The following SLC22A2 variants were observed in gnomAD, a reference collection of about 807,000 sequenced individuals.
SLC22A2 encodes solute carrier family 22 member 2, also known as organic cation transporter 2.
SLC22A2 carries 46 observed loss-of-function variants against 60.5 expected under a neutral mutation model. The ratio of observed to expected loss-of-function variants is 0.76; its 90% CI spans 0.60 to 0.97. SLC22A2 has a LOEUF of 0.97. Ranked by LOEUF, SLC22A2 falls within the 50% of genes least tolerant of loss-of-function variation. The probability of loss-of-function intolerance (pLI) is 0.00; values close to 1 mark genes in which losing one functional copy is unlikely to be tolerated. For missense variants in SLC22A2, 701 were observed against 706.6 expected (o/e 0.99, Z 0.09); for synonymous variants, 303 against 267.0 (o/e 1.13, Z -1.31).
chr6:160,227,672 C>T (rs535171987), intron 9 of SLC22A2, among the ~76,000 whole-genome samples: 1 of 152,190 alleles, frequency 6.6e-6, no homozygotes, highest in African/African-American at 2.4e-5. Context: ...ATGTCAGAGG[C>T]ATTTGAAACA....
At chr6:160,250,498 T>C (rs776720040) in intron 3 of SLC22A2, 50 bp downstream of exon 3, 3 of 1,599,940 alleles carry the variant, frequency 1.9e-6, no homozygotes, top group Non-Finnish European at 2.6e-6. Flanking sequence ...GACTCTATTT[T>C]GGCAGCGAGG....
At chr6:160,240,871 T>A (rs1170678605) in intron 9 of SLC22A2, among the ~76,000 whole-genome samples, 3 of 152,202 alleles carry the variant, frequency 2.0e-5, no homozygotes, top group Admixed American at 6.5e-5. Flanking sequence ...GCTGGTGTGT[T>A]CCTGCTGGCA....
rs1161719100 is a variant in SLC22A2, at chr6:160,245,474, C to T, written c.1029G>A (p.Gln343=). 6.2e-7 allele frequency: 1 copy of T among 1,607,122 alleles called. No homozygotes were observed. Residue 343 remains glutamine, a synonymous_variant, in exon 6 of 11, where the codon CAG becomes CAA. Coordinates refer to ENST00000366953, the MANE Select transcript of SLC22A2 (RefSeq NM_003058.4). ...TCAATATCATAGTATGTTTCCTTAT[C>T]TGAGGAGTTCTGACCAAGTCAAGAA... is the stretch of plus-strand genomic sequence containing the variant. ...PSFLDLVRTP[Q]IRKHTMILMY...
intron 2 of SLC22A2, among the ~76,000 whole-genome samples, chr6:160,254,502 T>C (rs1295512784): frequency 2.0e-5 from 3 of 152,214 alleles, no homozygotes; most frequent in Non-Finnish European, 4.4e-5. Context: ...CAATGTGTTT[T>C]ATTTAAAGTT....
At chr6:160,221,034 C>T (rs766799927) in intron 10 of SLC22A2, among the ~76,000 whole-genome samples, 1 of 152,188 alleles carries the variant, frequency 6.6e-6, no homozygotes. Context: ...AGCTTTGAAA[C>T]CAGACATTGA....
At position 160,217,368 on chromosome 6, in the gene SLC22A2, G is replaced by A; in HGVS notation, c.*64C>T. 3.8e-6 allele frequency: 4 copies of A among 1,040,482 alleles called. No individual in the cohort carries two copies. The South Asian group carries it at 5.4e-5, about 14-fold the overall frequency. 64.5% of individuals were successfully genotyped at this position (1,040,482 alleles called of 1,614,324 possible). A position where few individuals can be genotyped will look rare whatever the true frequency, so the allele number is the denominator to read the frequency against. On this transcript the variant is annotated 3_prime_UTR_variant, in exon 11 of 11. Transcript: ENST00000366953. ...GTATGGGCTTTGTGATGAGTGCAGG[G>A]ATTTCTACTTTTGGTCTTGCTGCCA...
chr6:160,243,760 C>A lies in SLC22A2; in HGVS notation c.1091G>T (p.Gly364Val). ...TGCAAGGCCCATGTGCATGATGAGG[C>A]CCTGGTAGAGCACAGAGCTCGTGAA... ...NWFTSSVLYQGLIMHMGLAGD... is the reference protein window; with the variant it reads ...NWFTSSVLYQVLIMHMGLAGD... The change falls in exon 7 of 11, where the codon GGC becomes GTC. Residue 364 changes from glycine to valine, a missense_variant. Transcript: ENST00000366953. 1 of 1,613,744 alleles carries A rather than the reference C, an allele frequency of 6.2e-7. No individual in the cohort carries two copies.
At chr6:160,241,894 T>C (rs1783010236) in intron 8 of SLC22A2, among the ~76,000 whole-genome samples, 1 of 149,776 alleles carries the variant, frequency 6.7e-6, no homozygotes, top group African/African-American at 2.5e-5. Context: ...TATATATATA[T>C]ACATAATTCC....
At chr6:160,238,359 G>A (rs2448295) in intron 9 of SLC22A2, among the ~76,000 whole-genome samples, 4 of 152,118 alleles carry the variant, frequency 2.6e-5, no homozygotes, top group African/African-American at 9.7e-5. Context: ...AGATTCACTT[G>A]GTTATTGTAT....
chr6:160,252,543 G>T (rs966354470), intron 2 of SLC22A2, among the ~76,000 whole-genome samples: 1 of 152,164 alleles, frequency 6.6e-6, no homozygotes, highest in Non-Finnish European at 1.5e-5. Context: ...CCTCAGCAGG[G>T]CTATTTAAAT....
chr6:160,241,929 T>A (rs1481039557), intron 8 of SLC22A2, among the ~76,000 whole-genome samples: 2 of 110,844 alleles, frequency 1.8e-5, no homozygotes, highest in African/African-American at 5.5e-5. Flanking sequence ...ATTCTTGTTT[T>A]GTATAAACCT....
chr6:160,221,934 C>T (rs549997026), intron 10 of SLC22A2, among the ~76,000 whole-genome samples: 1 of 152,204 alleles, frequency 6.6e-6, no homozygotes, highest in African/African-American at 2.4e-5. Context: ...GAAGTGAGCA[C>T]CTGCTGTTGG....
chr6:160,223,051 G>C (rs1489614609), intron 10 of SLC22A2, among the ~76,000 whole-genome samples: 1 of 152,200 alleles, frequency 6.6e-6, no homozygotes, highest in Non-Finnish European at 1.5e-5. Flanking sequence ...TGATTTACCA[G>C]CATTTTGCCC....
chr6:160,241,173 TC>T (rs1782994255), intron 9 of SLC22A2, among the ~76,000 whole-genome samples: 1 of 152,134 alleles, frequency 6.6e-6, no homozygotes, highest in Non-Finnish European at 1.5e-5. Context: ...CTTTCTTCCT[TC>T]TCATTCTTCT....
chr6:160,250,454 C>T, intron 3 of SLC22A2, 94 bp downstream of exon 3: 4 of 1,133,462 alleles, frequency 3.5e-6, no homozygotes, highest in Non-Finnish European at 5.4e-6. Context: ...TGTCTTGAAG[C>T]TGGGTCCCTT....
chr6:160,249,111 G>T, intron 4 of SLC22A2, 105 bp downstream of exon 4: 1 of 781,882 alleles, frequency 1.3e-6, no homozygotes, highest in Non-Finnish European at 2.0e-6. Context: ...TCTGGAGAGT[G>T]AAAGCAATCT....
rs1294952425 is a variant in SLC22A2, at chr6:160,258,692, C to T, written c.66G>A (p.Met22Ile). ...GGEFHFFQKQ[M>I]FFLLALLSAT... Reference sequence around the variant, plus strand: ...CCGAGAGCAGAGCCAAGAGGAAAAACATTTGCTTCTGGAAAAAGTGAAACT... The same window carrying T: ...CCGAGAGCAGAGCCAAGAGGAAAAATATTTGCTTCTGGAAAAAGTGAAACT... The change falls in exon 1 of 11, where the codon ATG becomes ATA. Residue 22 changes from methionine to isoleucine, a missense_variant. Transcript: ENST00000366953. 1 of 1,606,192 alleles carries T rather than the reference C, an allele frequency of 6.2e-7. No individual in the cohort carries two copies. The highest frequency in any genetic ancestry group is 1.7e-5 in the Admixed American group (1 of 59,122).
At chr6:160,226,181 C>G (rs1334830218) in intron 9 of SLC22A2, among the ~76,000 whole-genome samples, 5 of 152,278 alleles carry the variant, frequency 3.3e-5, no homozygotes, top group African/African-American at 1.2e-4. Context: ...TCTTGTGGCC[C>G]CCAGCAAGGA....
At chr6:160,229,810 T>C (rs1214750028) in intron 9 of SLC22A2, among the ~76,000 whole-genome samples, 1 of 151,884 alleles carries the variant, frequency 6.6e-6, no homozygotes, top group Non-Finnish European at 1.5e-5. Context: ...AATCTAAGCA[T>C]CTTATTTTCT....
Sources: gnomAD v4.1 joint callset for allele counts (sites outside exome capture counted in the v4.1 genomes callset) on GRCh38, gnomAD v4.1.1 for gene constraint, MANE v1.5 for transcripts, NCBI Gene and HGNC (gene_info 2026-07-23, HGNC 2026-07-21) for gene names.